Variants in OSBPL6 observed in about 807,000 individuals in gnomAD.
OSBPL6 encodes oxysterol-binding protein-related protein 6.
A neutral mutation model predicts 125.8 loss-of-function variants in OSBPL6; 49 were observed. That is an observed-to-expected ratio of 0.39 (90% CI 0.31 to 0.49). The LOEUF is 0.49. OSBPL6 is among the 20% of genes least tolerant of loss of function. The probability of loss-of-function intolerance (pLI) is 0.88; values close to 1 mark genes in which losing one functional copy is unlikely to be tolerated. For missense variants in OSBPL6, 986 were observed against 1,135.4 expected (o/e 0.87, Z 1.89); for synonymous variants, 394 against 391.8 (o/e 1.01, Z -0.07).
intron 1 of OSBPL6, among the ~76,000 whole-genome samples, chr2:178,282,085 A>G (rs149157645): frequency 8.7e-4 from 133 of 152,356 alleles, no homozygotes; most frequent in African/African-American, 3.1e-3. Flanking sequence ...AATAGAACTG[A>G]CCAAAAGTAC....
At chr2:178,258,655 A>G (rs1425893917) in intron 1 of OSBPL6, among the ~76,000 whole-genome samples, 1 of 152,192 alleles carries the variant, frequency 6.6e-6, no homozygotes, top group Non-Finnish European at 1.5e-5. Context: ...GGTTATACCT[A>G]TGTAACTCAT....
chr2:178,203,057 A>G (rs1350109744), intron 1 of OSBPL6, among the ~76,000 whole-genome samples: 1 of 152,094 alleles, frequency 6.6e-6, no homozygotes, highest in Non-Finnish European at 1.5e-5. Context: ...TGGGGAGTCC[A>G]TGTACTGTAT....
chr2:178,332,688 C>A lies in OSBPL6; in HGVS notation c.420C>A (p.Val140=). The part of the protein sequence containing the change: ...VHGSIDVGLS[V]MSIKKKARRI... ...GGAGCATAGATGTGGGACTCTCAGT[C>A]ATGTCAATTAAAAAGAAAGCTCGAA... is the stretch of plus-strand genomic sequence containing the variant. Residue 140 remains valine, a synonymous_variant, in exon 7 of 25, where the codon GTC becomes GTA. Coordinates refer to ENST00000190611, the MANE Select transcript of OSBPL6 (RefSeq NM_032523.4). 1.2e-6 allele frequency: 2 copies of A among 1,614,090 alleles called. No homozygotes were observed. The highest frequency in any genetic ancestry group is 2.2e-5 in the South Asian group (2 of 91,044).
At chr2:178,206,803 T>G (rs1177830543) in intron 1 of OSBPL6, among the ~76,000 whole-genome samples, 1 of 152,060 alleles carries the variant, frequency 6.6e-6, no homozygotes, top group Non-Finnish European at 1.5e-5. Flanking sequence ...TTAGTAGAGA[T>G]GGGGTTTCAC....
chr2:178,308,996 A>G (rs2154062133), intron 3 of OSBPL6, among the ~76,000 whole-genome samples: 1 of 152,252 alleles, frequency 6.6e-6, no homozygotes, highest in Admixed American at 6.5e-5. Flanking sequence ...CATGTCTAGC[A>G]TGATCTGGTC....
rs1247497529 is a variant in OSBPL6, at chr2:178,383,097, C to A, written c.1695C>A (p.Asp565Glu). The change falls in exon 17 of 25, where the codon GAC (aspartate) becomes GAA (glutamate). Residue 565 changes from aspartate (D) to glutamate (E), a missense_variant. Transcript: ENST00000190611. ...CATGCCTGCCAGCTCCTTGTCCTGA[C>A]ACCAGTAACATTAACCTGTGGAATA... ...RRACLPAPCP[D>E]TSNINLWNIL... 1 of 1,614,196 alleles carries A rather than the reference C, an allele frequency of 6.2e-7. No individual in the cohort carries two copies. Among genetic ancestry groups the A allele is most frequent in the South Asian group, 1.1e-5 (1 of 91,084 alleles).
chr2:178,329,952 G>A (rs563679454), intron 5 of OSBPL6, among the ~76,000 whole-genome samples: 1 of 152,280 alleles, frequency 6.6e-6, no homozygotes, highest in Admixed American at 6.5e-5. Context: ...GAACACATGG[G>A]AAATGTTGCC....
chr2:178,379,988 A>G (rs1694309491), intron 15 of OSBPL6, among the ~76,000 whole-genome samples: 1 of 152,242 alleles, frequency 6.6e-6, no homozygotes, highest in South Asian at 2.1e-4. Flanking sequence ...CCTTAAAGAC[A>G]AAGACCAGTT....
At position 178,379,417 on chromosome 2, in the gene OSBPL6, GAAAGA is replaced by G; in HGVS notation, c.1534-2995_1534-2991del. Reference sequence around the variant, plus strand: ...AGGCAGGGAGGGAGGGAAAGAAAGAGAAAGAAAAGAAAGAGAAAGAAGAGAGAAAA... The same window carrying G: ...AGGCAGGGAGGGAGGGAAAGAAAGAGAAAGAAAGAGAAAGAAGAGAGAAAA... On this transcript the variant is annotated intron_variant, in intron 15 of 24. Coordinates refer to ENST00000190611, the MANE Select transcript of OSBPL6 (RefSeq NM_032523.4). Among the ~76,000 whole-genome samples the G allele has an allele frequency of 2.7e-5, 4 of 145,594 alleles. No individual in the cohort carries two copies. The Middle Eastern group carries it at 0.01, about 382-fold the overall frequency.
chr2:178,338,638 G>A (rs1340898518), intron 9 of OSBPL6, among the ~76,000 whole-genome samples: 2 of 152,172 alleles, frequency 1.3e-5, no homozygotes, highest in African/African-American at 2.4e-5. Flanking sequence ...TAGAGGAGCA[G>A]GTAGACAAGC....
intron 1 of OSBPL6, among the ~76,000 whole-genome samples, chr2:178,283,128 T>C (rs1684373456): frequency 6.6e-6 from 1 of 152,180 alleles, no homozygotes; most frequent in African/African-American, 2.4e-5. Context: ...TAATCAACAA[T>C]TAAATTTTAC....
intron 15 of OSBPL6, among the ~76,000 whole-genome samples, chr2:178,375,117 A>G (rs886529197): frequency 6.6e-6 from 1 of 152,192 alleles, no homozygotes; most frequent in African/African-American, 2.4e-5. Context: ...CTTGCTAATT[A>G]GTGCCTCTTT....
intron 3 of OSBPL6, among the ~76,000 whole-genome samples, chr2:178,307,338 T>C (rs1686858974): frequency 6.6e-6 from 1 of 152,170 alleles, no homozygotes; most frequent in South Asian, 2.1e-4. Context: ...TCTCTCTCCC[T>C]TTTTAGCAAG....
At position 178,374,192 on chromosome 2, in the gene OSBPL6, A is replaced by G. The variant is rs559451842; in HGVS notation, c.1533+165A>G. 3.3e-5 allele frequency among the ~76,000 whole-genome samples: 5 copies of G among 152,356 alleles called. No individual in the cohort carries two copies. The East Asian group carries it at 9.6e-4, about 29-fold the overall frequency. ...CAAAGCTAAAAGCATGCAAACTATT[A>G]TGAGTTCCCAATTACTGAGCACTTA... On this transcript the variant is annotated intron_variant, in intron 15 of 24. Transcript: ENST00000190611.
rs974757621 is a variant in OSBPL6 at position 178,256,605 on chromosome 2, T to C, written c.-350-28322T>C. On this transcript the variant is annotated intron_variant, in intron 1 of 24. Transcript: ENST00000190611. ...GCAGGCTGAGGAGTTCACCAGGTCA[T>C]TTCATGGCAGAGCTGAAATGAATGG... Among the ~76,000 whole-genome samples, 6 of 152,310 alleles carry C rather than the reference T, an allele frequency of 3.9e-5. No homozygotes were observed. The South Asian group carries it at 1.2e-3, about 32-fold the overall frequency.
Position 178,208,314 on chromosome 2 carries a change from GAAAC to G in OSBPL6, c.-351+13644_-351+13647del, listed in dbSNP as rs1210077754. Among the ~76,000 whole-genome samples the G allele has an allele frequency of 3.4e-5, 5 of 148,888 alleles. No homozygotes were observed. The East Asian group carries it at 9.9e-4, about 30-fold the overall frequency. The stretch of plus-strand genomic sequence containing the variant: ...AAAAAAAAAAAGAAAAAGAAAGAAA[GAAAC>G]AAAGTGCCATCCAATAGAATATTAA... On this transcript the variant is annotated intron_variant, in intron 1 of 24. Transcript: ENST00000190611.
At chr2:178,229,138 C>A (rs888030277) in intron 1 of OSBPL6, among the ~76,000 whole-genome samples, 1 of 152,066 alleles carries the variant, frequency 6.6e-6, no homozygotes, top group Non-Finnish European at 1.5e-5. Context: ...TTATAACAAC[C>A]CACTCTAGTG....
At chr2:178,326,571 A>G (rs564951471) in intron 4 of OSBPL6, among the ~76,000 whole-genome samples, 1 of 152,332 alleles carries the variant, frequency 6.6e-6, no homozygotes, top group East Asian at 1.9e-4. Flanking sequence ...TACTAAGTAT[A>G]GAGGGAGAAA....
At chr2:178,285,912 G>T (rs928508962) in intron 2 of OSBPL6, among the ~76,000 whole-genome samples, 1 of 152,138 alleles carries the variant, frequency 6.6e-6, no homozygotes, top group Admixed American at 6.5e-5. Flanking sequence ...ATATGATTTG[G>T]GAAAGTTTCT....
Sources: allele counts gnomAD v4.1 joint callset (sites outside exome capture counted in the v4.1 genomes callset), GRCh38; gene constraint gnomAD v4.1.1; transcripts MANE v1.5; gene names NCBI Gene and HGNC (gene_info 2026-07-23, HGNC 2026-07-21).